Variants in AOPEP observed in about 807,000 individuals in gnomAD.
The protein encoded by AOPEP is aminopeptidase O (putative).
Under a neutral mutation model 98.1 loss-of-function variants are expected in AOPEP, and 77 were observed. That is an observed-to-expected ratio of 0.78 (90% CI 0.65 to 0.95). The LOEUF (loss-of-function observed/expected upper bound fraction) is 0.95, where lower values mean the gene tolerates loss of function less well. AOPEP is among the 40% of genes least tolerant of loss of function. The pLI is 0.00. For synonymous variants in AOPEP, 346 were observed against 365.3 expected, an observed-to-expected ratio of 0.95 and a Z score of 0.60; for missense variants, 1,024 against 1,024.7, an observed-to-expected ratio of 1.00 and a Z score of 0.01.
At chr9:95,032,537 G>A (rs1470982158) in intron 13 of AOPEP, among the ~76,000 whole-genome samples, 1 of 152,256 alleles carries the variant, frequency 6.6e-6, no homozygotes, top group Admixed American at 6.5e-5. Context: ...AGGTGGCGAT[G>A]TGCACTACCA....
chr9:94,993,540 C>T (rs919468043), intron 11 of AOPEP, among the ~76,000 whole-genome samples: 2 of 152,128 alleles, frequency 1.3e-5, no homozygotes, highest in African/African-American at 4.8e-5. Flanking sequence ...AAAGTAGAAC[C>T]TATTTGGGGT....
chr9:94,818,791 G>A (rs1017706256), intron 5 of AOPEP, among the ~76,000 whole-genome samples: 3 of 152,088 alleles, frequency 2.0e-5, no homozygotes, highest in Non-Finnish European at 4.4e-5. Flanking sequence ...TCAGGAGATC[G>A]AGACCATCCT....
intron 13 of AOPEP, among the ~76,000 whole-genome samples, chr9:95,012,730 C>T (rs2062630472): frequency 6.6e-6 from 1 of 151,832 alleles, no homozygotes; most frequent in Admixed American, 6.6e-5. Flanking sequence ...GGGTCTGTGC[C>T]CACAGAAGAG....
intron 13 of AOPEP, among the ~76,000 whole-genome samples, chr9:95,034,231 C>T (rs2064576171): frequency 6.6e-6 from 1 of 152,182 alleles, no homozygotes; most frequent in African/African-American, 2.4e-5. Flanking sequence ...GTAGCGATTG[C>T]TTCCACTTTA....
chr9:94,767,303 G>A (rs1235814474), intron 2 of AOPEP, among the ~76,000 whole-genome samples: 1 of 152,192 alleles, frequency 6.6e-6, no homozygotes, highest in Admixed American at 6.5e-5. Context: ...CTGTGCATAT[G>A]TCTATTTCCC....
At chr9:94,740,840 A>G (rs1832903295) in intron 1 of AOPEP, among the ~76,000 whole-genome samples, 1 of 152,224 alleles carries the variant, frequency 6.6e-6, no homozygotes, top group East Asian at 1.9e-4. Flanking sequence ...CCTTATTTGT[A>G]ATATAAGTTT....
chr9:94,843,995 C>T (rs2042563713), intron 5 of AOPEP, among the ~76,000 whole-genome samples: 1 of 152,124 alleles, frequency 6.6e-6, no homozygotes. Flanking sequence ...TTATTTTTCT[C>T]CATGGAGTTG....
At chr9:94,851,991 T>C (rs1416902612) in intron 5 of AOPEP, among the ~76,000 whole-genome samples, 1 of 151,902 alleles carries the variant, frequency 6.6e-6, no homozygotes, top group Non-Finnish European at 1.5e-5. Flanking sequence ...AAAGACCGTT[T>C]GACAACTGTG....
At chr9:94,922,655 A>G (rs938931823) in intron 5 of AOPEP, among the ~76,000 whole-genome samples, 1 of 151,310 alleles carries the variant, frequency 6.6e-6, no homozygotes, top group Non-Finnish European at 1.5e-5. Flanking sequence ...CCCCTGAGTT[A>G]GTGCTCTGAA....
chr9:94,753,503 G>A (rs1341546645), intron 1 of AOPEP, among the ~76,000 whole-genome samples: 3 of 152,156 alleles, frequency 2.0e-5, no homozygotes, highest in African/African-American at 4.8e-5. Context: ...TGAAACAGTG[G>A]AGGGGAAAAC....
intron 13 of AOPEP, among the ~76,000 whole-genome samples, chr9:95,030,782 T>C (rs2064229111): frequency 6.6e-6 from 1 of 152,178 alleles, no homozygotes; most frequent in Non-Finnish European, 1.5e-5. Flanking sequence ...GTAGGCGCAA[T>C]ATGGAAATTA....
chr9:94,947,584 G>A (rs1451515073), intron 7 of AOPEP, among the ~76,000 whole-genome samples: 1 of 152,164 alleles, frequency 6.6e-6, no homozygotes, highest in Non-Finnish European at 1.5e-5. Context: ...CCTTGTCATG[G>A]CAGTTCTACC....
intron 5 of AOPEP, among the ~76,000 whole-genome samples, chr9:94,840,979 A>G (rs2042198254): frequency 6.6e-6 from 1 of 152,028 alleles, no homozygotes. Flanking sequence ...TCTTGCTTAC[A>G]GTTTAATAGA....
chr9:94,909,346 TAAAAA>T (rs3052031), intron 5 of AOPEP, among the ~76,000 whole-genome samples: 126 of 82,042 alleles, frequency 1.5e-3, no homozygotes, highest in Non-Finnish European at 2.0e-3. Flanking sequence ...TTTGGAGCCT[TAAAAA>T]AAAAAAAAAA....
chr9:94,832,623 CATCAGTTTGT>C (rs1271205351), intron 5 of AOPEP, among the ~76,000 whole-genome samples: 1 of 152,106 alleles, frequency 6.6e-6, no homozygotes, highest in Non-Finnish European at 1.5e-5. Context: ...CCCAGATGCC[CATCAGTTTGT>C]GCCAGTTTAA....
At chr9:95,146,487 C>CAAAAAAA in the AOPEP span, among the ~76,000 whole-genome samples, 30 of 45,520 alleles carry the variant, frequency 6.6e-4, 1 homozygote, top group African/African-American at 8.0e-4. Flanking sequence ...GACCCCATCT[C>CAAAAAAA]AAAAAAAAAA....
chr9:94,895,234 T>TA (rs1188345681), intron 5 of AOPEP, among the ~76,000 whole-genome samples: 2,189 of 36,372 alleles, frequency 0.06, 81 homozygotes, highest in African/African-American at 0.11. Flanking sequence ...AAAAATAAAA[T>TA]AAAATAAAAA....
At chr9:95,114,437 C>T in the AOPEP span, 12 of 680,606 alleles carry the variant, frequency 1.8e-5, no homozygotes, top group South Asian at 1.9e-4. Context: ...CATGCCTATT[C>T]ATCCTGACCT....
intron 13 of AOPEP, among the ~76,000 whole-genome samples, chr9:95,036,351 C>T (rs2064813959): frequency 6.6e-6 from 1 of 152,164 alleles, no homozygotes; most frequent in Non-Finnish European, 1.5e-5. Flanking sequence ...TCTGATAGGT[C>T]TTACTTGCTT....
Sources: allele counts gnomAD v4.1 joint callset (sites outside exome capture counted in the v4.1 genomes callset), GRCh38; gene constraint gnomAD v4.1.1; transcripts MANE v1.5; gene names NCBI Gene and HGNC (gene_info 2026-07-23, HGNC 2026-07-21).